The following ERC2 variants were observed in gnomAD, a reference collection of about 807,000 sequenced individuals.
The protein encoded by ERC2 is ELKS/RAB6-interacting/CAST family member 2.
Under a neutral mutation model 114.8 loss-of-function variants are expected in ERC2, and 42 were observed. The ratio of observed to expected loss-of-function variants is 0.37; its 90% CI spans 0.29 to 0.47. ERC2 has a LOEUF of 0.47. ERC2 is among the 20% of genes least tolerant of loss of function. ERC2 has a pLI of 0.99. For synonymous variants in ERC2, 454 were observed against 425.5 expected (o/e 1.07, Z -0.82); for missense variants, 939 against 1,150.7 (o/e 0.82, Z 2.66).
intron 3 of ERC2, among the ~76,000 whole-genome samples, chr3:56,291,335 C>T (rs1471790881): frequency 6.6e-6 from 1 of 152,200 alleles, no homozygotes; most frequent in Non-Finnish European, 1.5e-5. Flanking sequence ...CACATTAGCA[C>T]ATCAGTTGGA....
chr3:56,145,480 T>A (rs766375500), intron 5 of ERC2, among the ~76,000 whole-genome samples: 1 of 152,206 alleles, frequency 6.6e-6, no homozygotes, highest in Non-Finnish European at 1.5e-5. Flanking sequence ...CTGAAAGTAA[T>A]TCATGCTTTC....
chr3:55,977,143 T>A (rs2069652713), intron 12 of ERC2, among the ~76,000 whole-genome samples: 1 of 152,230 alleles, frequency 6.6e-6, no homozygotes, highest in Admixed American at 6.5e-5. Context: ...GTTTATATTT[T>A]GTTATAGCAG....
intron 14 of ERC2, among the ~76,000 whole-genome samples, chr3:55,776,521 C>G (rs891483833): frequency 6.6e-6 from 1 of 152,088 alleles, no homozygotes. Context: ...TTCTTGGGAA[C>G]TCGAGACCAG....
chr3:56,267,940 A>C (rs2053428462), intron 3 of ERC2, among the ~76,000 whole-genome samples: 1 of 152,334 alleles, frequency 6.6e-6, no homozygotes, highest in South Asian at 2.1e-4. Context: ...CCAGTATTGC[A>C]TAATGGAAAT....
At chr3:56,219,110 C>A (rs1026448921) in intron 3 of ERC2, among the ~76,000 whole-genome samples, 1 of 151,904 alleles carries the variant, frequency 6.6e-6, no homozygotes, top group Admixed American at 6.6e-5. Flanking sequence ...AAGTTGTGCA[C>A]ATGTACCCTA....
intron 6 of ERC2, among the ~76,000 whole-genome samples, chr3:56,120,735 A>G (rs1361748313): frequency 6.6e-6 from 1 of 152,190 alleles, no homozygotes; most frequent in Non-Finnish European, 1.5e-5. Context: ...TACCATGTGC[A>G]AAAATCTTAG....
At chr3:55,576,019 C>A (rs1350627155) in intron 17 of ERC2, among the ~76,000 whole-genome samples, 1 of 152,186 alleles carries the variant, frequency 6.6e-6, no homozygotes, top group African/African-American at 2.4e-5. Flanking sequence ...CTATAAAATT[C>A]TCCAAAATAG....
At chr3:55,995,296 A>G (rs981799563) in intron 10 of ERC2, among the ~76,000 whole-genome samples, 29 of 152,026 alleles carry the variant, frequency 1.9e-4, no homozygotes, top group African/African-American at 4.3e-4. Context: ...TCATGCCACT[A>G]TACTCCAGCC....
rs142519357 is a variant in ERC2, at chr3:56,154,709, A to G, written c.1150-5577T>C. Among the ~76,000 whole-genome samples, 233 of 152,318 alleles carry G rather than the reference A, an allele frequency of 1.5e-3. 2 individuals are homozygous for G. The highest frequency in any genetic ancestry group is 5.5e-3 in the African/African-American group (228 of 41,588). On this transcript the variant is annotated intron_variant, in intron 4 of 17. Transcript: ENST00000288221. Reference sequence around the variant, plus strand: ...TGAAGATAAAACATCTGACCTTTACAGAGTCACAAACCTGGATGCAAATCC... The same window carrying G: ...TGAAGATAAAACATCTGACCTTTACGGAGTCACAAACCTGGATGCAAATCC...
chr3:55,791,906 G>T (rs2070063015), intron 14 of ERC2, among the ~76,000 whole-genome samples: 2 of 152,160 alleles, frequency 1.3e-5, no homozygotes, highest in Admixed American at 6.5e-5. Flanking sequence ...TTAGCACTCT[G>T]CAAGAGTAAG....
chr3:56,130,109 C>T (rs1378902637), intron 6 of ERC2, among the ~76,000 whole-genome samples: 2 of 152,154 alleles, frequency 1.3e-5, no homozygotes, highest in South Asian at 2.1e-4. Context: ...AAAAAGAGTA[C>T]TGTAAAATAT....
At chr3:55,962,079 C>G (rs921785930) in intron 12 of ERC2, among the ~76,000 whole-genome samples, 1 of 152,130 alleles carries the variant, frequency 6.6e-6, no homozygotes, top group South Asian at 2.1e-4. Flanking sequence ...CTAGAGTTAT[C>G]ATTCCTAGAA....
intron 3 of ERC2, among the ~76,000 whole-genome samples, chr3:56,254,538 C>T (rs902260148): frequency 6.6e-6 from 1 of 152,188 alleles, no homozygotes; most frequent in South Asian, 2.1e-4. Flanking sequence ...AACAGGATTC[C>T]CCACATACCA....
intron 14 of ERC2, among the ~76,000 whole-genome samples, chr3:55,856,772 C>T (rs2061805754): frequency 6.6e-6 from 1 of 152,020 alleles, no homozygotes; most frequent in Non-Finnish European, 1.5e-5. Flanking sequence ...AATCCAAATG[C>T]CCATCAGCTA....
At chr3:56,030,630 T>A (rs1239455664) in intron 7 of ERC2, among the ~76,000 whole-genome samples, 2 of 152,210 alleles carry the variant, frequency 1.3e-5, no homozygotes, top group Admixed American at 1.3e-4. Flanking sequence ...AATATAGCCA[T>A]TCTTGCATTT....
At chr3:55,977,578 G>T (rs560899849) in intron 12 of ERC2, among the ~76,000 whole-genome samples, 1 of 152,190 alleles carries the variant, frequency 6.6e-6, no homozygotes, top group African/African-American at 2.4e-5. Flanking sequence ...TTTGAAAAGC[G>T]CATTGCACTG....
At chr3:55,567,532 T>C (rs1559666716) in intron 17 of ERC2, among the ~76,000 whole-genome samples, 1 of 152,076 alleles carries the variant, frequency 6.6e-6, no homozygotes, top group Non-Finnish European at 1.5e-5. Context: ...TCTGAGCGTA[T>C]AGAGACTACG....
chr3:56,467,766 C>A (rs1451277046), intron 1 of ERC2, among the ~76,000 whole-genome samples: 1 of 151,976 alleles, frequency 6.6e-6, no homozygotes, highest in Non-Finnish European at 1.5e-5. Context: ...CCCACCCAGG[C>A]GGCCAGCCAC....
intron 17 of ERC2, among the ~76,000 whole-genome samples, chr3:55,620,405 G>A (rs953424889): frequency 9.9e-5 from 15 of 152,028 alleles, no homozygotes; most frequent in Non-Finnish European, 2.2e-4. Flanking sequence ...TTTGAATTTC[G>A]CTTCCTCAAT....
Sources: gnomAD v4.1 joint callset for allele counts (sites outside exome capture counted in the v4.1 genomes callset) on GRCh38, gnomAD v4.1.1 for gene constraint, MANE v1.5 for transcripts, NCBI Gene and HGNC (gene_info 2026-07-23, HGNC 2026-07-21) for gene names.